Variants in TMEM40 observed in about 807,000 individuals in gnomAD.
TMEM40 encodes the protein transmembrane protein 40.
In TMEM40, 34 loss-of-function variants were observed where a neutral mutation model predicts 40.8. That is an observed-to-expected ratio of 0.83 (90% CI 0.63 to 1.11). The LOEUF (loss-of-function observed/expected upper bound fraction) is 1.11. TMEM40 is among the 50% of genes least tolerant of loss of function. The probability of loss-of-function intolerance (pLI) is 0.00; values close to 1 mark genes in which losing one functional copy is unlikely to be tolerated. For missense variants in TMEM40, 296 were observed against 280.2 expected, an observed-to-expected ratio of 1.06 and a Z score of -0.40; for synonymous variants, 106 against 107.0, an observed-to-expected ratio of 0.99 and a Z score of 0.06.
intron 1 of TMEM40, among the ~76,000 whole-genome samples, chr3:12,768,314 A>G (rs2061603960): frequency 6.6e-6 from 1 of 152,156 alleles, no homozygotes; most frequent in African/African-American, 2.4e-5. Flanking sequence ...AAGCTTCCAC[A>G]GTGTGAAAGG....
chr3:12,743,433 C>G (rs1466264450), intron 4 of TMEM40, among the ~76,000 whole-genome samples: 1 of 152,102 alleles, frequency 6.6e-6, no homozygotes, highest in Non-Finnish European at 1.5e-5. Flanking sequence ...CGCCATTGCA[C>G]TCCAGCCTGG....
intron 1 of TMEM40, among the ~76,000 whole-genome samples, chr3:12,755,213 T>TTC (rs754041538): frequency 0.033 from 3,145 of 93,936 alleles, 230 homozygotes; most frequent in Non-Finnish European, 0.039. Context: ...CTTTCTTTCT[T>TTC]TCTCTCTCTC....
intron 8 of TMEM40, 76 bp downstream of exon 8, chr3:12,737,631 A>G (rs1339608744): frequency 2.9e-6 from 4 of 1,402,206 alleles, no homozygotes; most frequent in African/African-American, 1.4e-5. Flanking sequence ...CTGCTGTGCT[A>G]GGCCACCAGC....
chr3:12,767,361 G>A (rs544419129), intron 1 of TMEM40, among the ~76,000 whole-genome samples: 19 of 152,140 alleles, frequency 1.2e-4, no homozygotes, highest in Non-Finnish European at 2.5e-4. Context: ...AGAGCAAGTG[G>A]GGACAACCAT....
intron 8 of TMEM40, 175 bp downstream of exon 8, chr3:12,737,532 A>G: frequency 1.5e-6 from 1 of 646,834 alleles, no homozygotes; most frequent in Non-Finnish European, 2.7e-6. Flanking sequence ...TATCTGCAAA[A>G]TGGGAACCAT....
chr3:12,735,653 G>T lies in TMEM40; in HGVS notation c.620-36C>A, dbSNP rs190693197. On this transcript the variant is annotated intron_variant, in intron 10 of 11. Transcript: ENST00000314124. ...GCAAAGAAAAAAGTAAGTTAAGTTT[G>T]TGCCCCAACAAGGGACACCAGGCCA... The T allele has an allele frequency of 2.5e-6, 4 of 1,599,180 alleles. No homozygotes were observed. The African/African-American group carries it at 5.4e-5, about 22-fold the overall frequency.
rs1367819217 is a variant in TMEM40 at position 12,755,158 on chromosome 3, CTCTT to C, written c.-9+4029_-9+4032del. ...TTTCTTTCCTTCTCTTTCTTTCTTT[CTCTT>C]TCTTTCTTTCTCTCTCTCTCCTTCC... On this transcript the variant is annotated intron_variant, in intron 1 of 11. Transcript: ENST00000314124. Among the ~76,000 whole-genome samples, 416 of 137,790 alleles carry C rather than the reference CTCTT, an allele frequency of 3.0e-3. 3 individuals are homozygous for C. The highest frequency in any genetic ancestry group is 0.011 in the African/African-American group (386 of 36,086). The allele number at this position is 137,790 out of a possible 152,430, so 90.4% of individuals were successfully genotyped here.
chr3:12,749,656 G>A (rs2061457618), intron 2 of TMEM40, 104 bp downstream of exon 2: 2 of 951,148 alleles, frequency 2.1e-6, no homozygotes, highest in Admixed American at 2.3e-5. Context: ...GTGATTTGAG[G>A]CCCTGTGCAA....
At chr3:12,738,235 T>C in intron 6 of TMEM40, 67 bp from the exon 7 acceptor site, 1 of 1,567,190 alleles carries the variant, frequency 6.4e-7, no homozygotes, top group South Asian at 1.1e-5. Flanking sequence ...GCCTCCACCC[T>C]GGGGAAGGCT....
At position 12,748,742 on chromosome 3, in the gene TMEM40, G is replaced by A. The variant is rs1433267756; in HGVS notation, c.124C>T (p.Gln42Ter). The change falls in exon 3 of 12, where the codon CAA (glutamine) becomes TAA (stop). Residue 42 changes from glutamine to a stop codon, truncating the protein, a stop_gained. Transcript: ENST00000314124. LOFTEE classifies it high-confidence loss of function. ...GACTTGTTTCTCTCATATTGTTCTT[G>A]GGAAAAGAGTCCAGCCTTCCCATCT... ...KQDGKAGLFS[Q>*]EQYERNKSSS... The A allele has an allele frequency of 3.1e-6, 5 of 1,613,994 alleles. No individual in the cohort carries two copies. In the African/African-American group the frequency reaches 6.7e-5, roughly 22 times the overall value.
intron 1 of TMEM40, among the ~76,000 whole-genome samples, chr3:12,750,402 C>A (rs2061465872): frequency 6.6e-6 from 1 of 152,158 alleles, no homozygotes; most frequent in African/African-American, 2.4e-5. Context: ...CGGCCTCACA[C>A]ACAGAGCCAC....
intron 1 of TMEM40, among the ~76,000 whole-genome samples, chr3:12,768,907 C>CG (rs1394187705): frequency 2.3e-4 from 6 of 26,518 alleles, no homozygotes; most frequent in African/African-American, 5.8e-4. Context: ...CGGGGCAGGG[C>CG]GGGCCGGGGC....
At position 12,764,461 on chromosome 3, in the gene TMEM40, C is replaced by T. The variant is rs115388776; in HGVS notation, c.-9+4790G>A. 9.8e-3 allele frequency among the ~76,000 whole-genome samples: 1,497 copies of T among 152,334 alleles called. 33 individuals are homozygous for T. In the East Asian group the frequency reaches 0.1, roughly 10 times the overall value. On this transcript the variant is annotated intron_variant, in intron 1 of 11. Coordinates refer to the TMEM40 transcript ENST00000264728. Reference sequence around the variant, plus strand: ...CTCTTTCTATGCCTTCATGGAGAAACTCCAAGTTAACTCACAGATTTGGAA... The same window carrying T: ...CTCTTTCTATGCCTTCATGGAGAAATTCCAAGTTAACTCACAGATTTGGAA...
rs1311003225 is a variant in TMEM40 at position 12,742,520 on chromosome 3, A to T, written c.302-13T>A. On this transcript the variant is annotated splice_polypyrimidine_tract_variant and intron_variant, in intron 4 of 11. Transcript: ENST00000314124. ...CCATGCCCAGGACCTGGATGGAGAC[A>T]AACCCCTTAGTCAGCACTCCCCAAA... The T allele has an allele frequency of 1.2e-6, 2 of 1,613,798 alleles. No homozygotes were observed. The highest frequency in any genetic ancestry group is 4.5e-5 in the East Asian group (2 of 44,864).
intron 2 of TMEM40, 92 bp downstream of exon 2, chr3:12,749,668 G>GT: frequency 8.8e-7 from 1 of 1,130,716 alleles, no homozygotes. Context: ...CCTGTGCAAC[G>GT]TGAGTTGAGC....
At chr3:12,735,307 A>G (rs756407857) in intron 11 of TMEM40, among the ~76,000 whole-genome samples, 1 of 152,238 alleles carries the variant, frequency 6.6e-6, no homozygotes, top group Non-Finnish European at 1.5e-5. Context: ...AGGCCTTTGC[A>G]TCCATTCCTC....
At chr3:12,761,885 G>GTA (rs1238894204), upstream of TMEM40, among the ~76,000 whole-genome samples, 2 of 152,088 alleles carry the variant, frequency 1.3e-5, no homozygotes, top group East Asian at 1.9e-4. Context: ...AAAAATGTAT[G>GTA]TATATATATA....
Position 12,766,162 on chromosome 3 carries a change from CT to C in TMEM40, c.-9+3088del, listed in dbSNP as rs201048020. Reference sequence around the variant, plus strand: ...GGCATGAGCCACTGTGCCTGGCCAGCTTGTTCCTTGTTATTGCAGAGTAGCG... The same window carrying C: ...GGCATGAGCCACTGTGCCTGGCCAGCTGTTCCTTGTTATTGCAGAGTAGCG... On this transcript the variant is annotated intron_variant, in intron 1 of 11. Coordinates refer to the TMEM40 transcript ENST00000264728. Among the ~76,000 whole-genome samples the C allele has an allele frequency of 5.8e-3, 889 of 152,142 alleles. 5 individuals carry two copies. The highest frequency in any genetic ancestry group is 0.02 in the African/African-American group (820 of 41,500).
chr3:12,747,752 A>G (rs1169373014), intron 3 of TMEM40, among the ~76,000 whole-genome samples: 1 of 151,918 alleles, frequency 6.6e-6, no homozygotes, highest in Non-Finnish European at 1.5e-5. Flanking sequence ...TCTACTAAAA[A>G]TACAAAAATT....
Sources: allele counts gnomAD v4.1 joint callset (sites outside exome capture counted in the v4.1 genomes callset), GRCh38; gene constraint gnomAD v4.1.1; transcripts MANE v1.5; gene names NCBI Gene and HGNC (gene_info 2026-07-23, HGNC 2026-07-21).